SEPTIN11: variants seen among roughly 807,000 people sequenced by gnomAD.
SEPTIN11 encodes the protein septin 11.
Under a neutral mutation model 51.4 loss-of-function variants are expected in SEPTIN11, and 25 were observed. The ratio of observed to expected loss-of-function variants is 0.49; its 90% CI spans 0.35 to 0.68. The LOEUF (loss-of-function observed/expected upper bound fraction) is 0.68. SEPTIN11 is among the 30% of genes least tolerant of loss of function. SEPTIN11 has a pLI of 0.00. For missense variants in SEPTIN11, 381 were observed against 520.8 expected (o/e 0.73, Z 2.61); for synonymous variants, 174 against 184.1 (o/e 0.95, Z 0.44).
At chr4:76,980,161 T>C (rs899392266) in intron 1 of SEPTIN11, among the ~76,000 whole-genome samples, 1 of 152,184 alleles carries the variant, frequency 6.6e-6, no homozygotes, top group Non-Finnish European at 1.5e-5. Context: ...CTTCATCATA[T>C]AGGTACTCCC....
At chr4:76,953,481 C>T (rs1414453383) in intron 1 of SEPTIN11, among the ~76,000 whole-genome samples, 1 of 152,074 alleles carries the variant, frequency 6.6e-6, no homozygotes, top group Non-Finnish European at 1.5e-5. Flanking sequence ...TGGAGGAGTA[C>T]TGCCAATAAA....
At chr4:76,994,079 C>G (rs1440603038) in intron 1 of SEPTIN11, among the ~76,000 whole-genome samples, 1 of 152,116 alleles carries the variant, frequency 6.6e-6, no homozygotes, top group Non-Finnish European at 1.5e-5. Context: ...CTGAAATTAA[C>G]AGAATTATGT....
In SEPTIN11 at chr4:76,975,113, CAAAA is replaced by C. The variant is rs200522921; in HGVS notation, c.28-21303_28-21300del. On this transcript the variant is annotated intron_variant, in intron 1 of 9. Transcript: ENST00000264893. ...CCTGGGTGACAGCAAGACTATGTTT[CAAAA>C]AAAAAAAAGAAGAAAAAAGAAAAAA... Among the ~76,000 whole-genome samples, 4 of 70,370 alleles carry C rather than the reference CAAAA, an allele frequency of 5.7e-5. 1 individual carries two copies. Among genetic ancestry groups the C allele is most frequent in the Admixed American group, 3.2e-4 (2 of 6,242 alleles). 46.2% of individuals were successfully genotyped at this position (70,370 alleles called of 152,430 possible).
chr4:76,985,870 A>C (rs532001576), intron 1 of SEPTIN11, among the ~76,000 whole-genome samples: 5 of 152,328 alleles, frequency 3.3e-5, no homozygotes, highest in South Asian at 2.1e-4. Flanking sequence ...ATTTTGGTGA[A>C]GTCGAATGAG....
intron 7 of SEPTIN11, among the ~76,000 whole-genome samples, chr4:77,027,677 A>G (rs1275694829): frequency 6.6e-6 from 1 of 152,244 alleles, no homozygotes; most frequent in Non-Finnish European, 1.5e-5. Context: ...TTAATATACA[A>G]CAATTGTTGT....
chr4:77,018,240 G>A (rs1329832836), intron 5 of SEPTIN11, among the ~76,000 whole-genome samples: 1 of 152,128 alleles, frequency 6.6e-6, no homozygotes, highest in Non-Finnish European at 1.5e-5. Flanking sequence ...CACAAGGTCA[G>A]GAGATCGAGA....
chr4:76,952,414 C>T (rs1304803602), intron 1 of SEPTIN11, among the ~76,000 whole-genome samples: 1 of 152,178 alleles, frequency 6.6e-6, no homozygotes, highest in Admixed American at 6.5e-5. Context: ...AACTACCTCT[C>T]CCCGCCAGAC....
At chr4:76,990,617 G>A (rs758154257) in intron 1 of SEPTIN11, among the ~76,000 whole-genome samples, 4 of 152,148 alleles carry the variant, frequency 2.6e-5, no homozygotes, top group Admixed American at 1.3e-4. Context: ...TAGGTTGTGC[G>A]TTCCTTATGA....
intron 1 of SEPTIN11, among the ~76,000 whole-genome samples, chr4:76,980,558 A>G (rs1292563231): frequency 6.6e-6 from 1 of 152,172 alleles, no homozygotes; most frequent in African/African-American, 2.4e-5. Context: ...GTTGTGGCAA[A>G]AGAGGCTTAA....
intron 8 of SEPTIN11, among the ~76,000 whole-genome samples, chr4:77,030,299 G>A (rs1020406187): frequency 6.6e-6 from 1 of 152,150 alleles, no homozygotes; most frequent in African/African-American, 2.4e-5. Context: ...GACTCTGAGG[G>A]ATGCTCTTCA....
chr4:76,950,072 T>G (rs1721258867), intron 1 of SEPTIN11, 142 bp downstream of exon 1: 3 of 868,952 alleles, frequency 3.5e-6, no homozygotes, highest in Admixed American at 4.3e-5. Context: ...TGCACGAATT[T>G]GGGCGCGCGT....
chr4:76,977,483 A>G (rs1054431728), intron 1 of SEPTIN11, among the ~76,000 whole-genome samples: 1 of 152,204 alleles, frequency 6.6e-6, no homozygotes, highest in Non-Finnish European at 1.5e-5. Flanking sequence ...ATTACCAACT[A>G]ATGCCTAGCT....
At chr4:76,974,561 C>A in intron 1 of SEPTIN11, 1 of 345,592 alleles carries the variant, frequency 2.9e-6, no homozygotes. Context: ...CTGACACTTG[C>A]CCACACTACA....
At chr4:76,962,829 A>G (rs1721878205) in intron 1 of SEPTIN11, among the ~76,000 whole-genome samples, 1 of 152,208 alleles carries the variant, frequency 6.6e-6, no homozygotes, top group Non-Finnish European at 1.5e-5. Flanking sequence ...AGTCACACAC[A>G]CACAAACACA....
intron 1 of SEPTIN11, among the ~76,000 whole-genome samples, chr4:76,973,765 G>T (rs529503166): frequency 6.6e-6 from 1 of 152,296 alleles, no homozygotes; most frequent in South Asian, 2.1e-4. Flanking sequence ...TTGTGTCTCT[G>T]TGACTTTGTT....
chr4:77,037,263 A>G lies in SEPTIN11; in HGVS notation c.*2751A>G, dbSNP rs545521634. The stretch of plus-strand genomic sequence containing the variant: ...TGTAGTCCCAGCTACTTGGGAGGCT[A>G]AGTCAGGAGAATTGCTTGAACTTGG... On this transcript the variant is annotated 3_prime_UTR_variant, in exon 10 of 10. Coordinates refer to ENST00000264893, the MANE Select transcript of SEPTIN11 (RefSeq NM_018243.4). The G allele has an allele frequency of 6.4e-5, 42 of 653,876 alleles. No individual in the cohort carries two copies. The African/African-American group carries it at 7.5e-4, about 12-fold the overall frequency. 40.5% of individuals were successfully genotyped at this position (653,876 alleles called of 1,614,324 possible).
intron 1 of SEPTIN11, among the ~76,000 whole-genome samples, chr4:76,993,007 T>C (rs1239505437): frequency 6.6e-6 from 1 of 152,036 alleles, no homozygotes; most frequent in Admixed American, 6.5e-5. Context: ...GGAGTTTGGA[T>C]TGGGGACCTT....
intron 1 of SEPTIN11, among the ~76,000 whole-genome samples, chr4:76,987,280 G>A (rs1723079710): frequency 1.3e-5 from 2 of 152,038 alleles, no homozygotes; most frequent in African/African-American, 4.8e-5. Context: ...CTGCCGCCTG[G>A]CGCTCTCTGT....
At chr4:76,986,001 A>G in intron 1 of SEPTIN11, among the ~76,000 whole-genome samples, 1 of 152,108 alleles carries the variant, frequency 6.6e-6, no homozygotes, top group Non-Finnish European at 1.5e-5. Flanking sequence ...AATTTGGCCG[A>G]AAAGAGTGTG....
Sources: allele counts gnomAD v4.1 joint callset (sites outside exome capture counted in the v4.1 genomes callset), GRCh38; gene constraint gnomAD v4.1.1; transcripts MANE v1.5; gene names NCBI Gene and HGNC (gene_info 2026-07-23, HGNC 2026-07-21).